Variants in ROBO1 observed in about 807,000 individuals in gnomAD.
ROBO1 encodes the protein roundabout guidance receptor 1, also known as roundabout homolog 1.
In ROBO1, 149 loss-of-function variants were observed where a neutral mutation model predicts 195.9. The observed-to-expected ratio is 0.76, with a 90% confidence interval of 0.67 to 0.87. The LOEUF (loss-of-function observed/expected upper bound fraction) is 0.87. ROBO1 is among the 40% of genes least tolerant of loss of function. ROBO1 has a pLI of 0.00. For synonymous variants in ROBO1, 816 were observed against 733.2 expected (o/e 1.11, Z -1.82); for missense variants, 1,933 against 2,068.3 (o/e 0.93, Z 1.27).
At chr3:78,913,890 C>T (rs920910920) in intron 4 of ROBO1, among the ~76,000 whole-genome samples, 3 of 152,142 alleles carry the variant, frequency 2.0e-5, no homozygotes, top group Non-Finnish European at 2.9e-5. Context: ...TAGAGAGGGT[C>T]GTATTTCCCT....
In ROBO1 at chr3:78,891,707, A is replaced by C. The variant is rs1396889850; in HGVS notation, c.499+46894T>G. ...AATCCAAGTGTCCGTTCGTACAAGA[A>C]TGAATAAACAAATTGTGATATATTC... On this transcript the variant is annotated intron_variant, in intron 4 of 30. Transcript: ENST00000464233. Among the ~76,000 whole-genome samples the C allele has an allele frequency of 3.3e-5, 5 of 152,222 alleles. No individual in the cohort carries two copies. In the East Asian group the frequency reaches 9.6e-4, roughly 29 times the overall value.
At chr3:79,252,355 G>C (rs2082747430) in intron 2 of ROBO1, among the ~76,000 whole-genome samples, 1 of 152,094 alleles carries the variant, frequency 6.6e-6, no homozygotes, top group Non-Finnish European at 1.5e-5. Context: ...GTCCTTCTAA[G>C]AAGGGGAAAA....
chr3:78,896,256 C>G (rs1007021370), intron 4 of ROBO1, among the ~76,000 whole-genome samples: 1 of 152,094 alleles, frequency 6.6e-6, no homozygotes, highest in Admixed American at 6.6e-5. Context: ...GTTTGCTCAG[C>G]TGTAAAATGG....
intron 2 of ROBO1, among the ~76,000 whole-genome samples, chr3:79,485,006 C>A (rs1232404596): frequency 6.6e-6 from 1 of 151,880 alleles, no homozygotes; most frequent in African/African-American, 2.4e-5. Flanking sequence ...CCTGCCTTGG[C>A]CTCCCAAAGT....
rs201394369 is a variant in ROBO1, at chr3:79,108,369, T to TA, written c.172+17086dup. ...CCTATTTAGTCACTTTAAAGATAAA[T>TA]AAAAAAAAACTAATGTCCATTCAAC... On this transcript the variant is annotated intron_variant, in intron 3 of 30. Coordinates refer to ENST00000464233, the MANE Select transcript of ROBO1 (RefSeq NM_002941.4). 2.6e-3 allele frequency among the ~76,000 whole-genome samples: 391 copies of TA among 150,920 alleles called. 4 individuals are homozygous for TA. Among genetic ancestry groups the TA allele is most frequent in the African/African-American group, 8.4e-3 (347 of 41,302 alleles).
Position 78,920,939 on chromosome 3 carries a change from C to A in ROBO1, c.499+17662G>T, listed in dbSNP as rs1008498035. On this transcript the variant is annotated intron_variant, in intron 4 of 30. Coordinates refer to ENST00000464233, the MANE Select transcript of ROBO1 (RefSeq NM_002941.4). ...CAAGCAATCCTCCTGCCTCAGCATC[C>A]CAAAGTGTTGGTTATAACAGGCATG... Among the ~76,000 whole-genome samples, 5 of 152,204 alleles carry A rather than the reference C, an allele frequency of 3.3e-5. No homozygotes were observed. The South Asian group carries it at 1.0e-3, about 32-fold the overall frequency.
chr3:78,747,249 C>T (rs79344083), intron 4 of ROBO1, among the ~76,000 whole-genome samples: 4,861 of 152,108 alleles, frequency 0.032, 243 homozygotes, highest in African/African-American at 0.11. Flanking sequence ...ATAACTGAAT[C>T]CTCCTTTTAT....
chr3:79,504,176 G>C (rs1053783810), intron 2 of ROBO1, among the ~76,000 whole-genome samples: 2 of 151,980 alleles, frequency 1.3e-5, no homozygotes, highest in African/African-American at 4.8e-5. Context: ...GTTAAATCAA[G>C]GGCATTATAT....
At chr3:79,135,740 C>T (rs1312787260) in intron 2 of ROBO1, among the ~76,000 whole-genome samples, 3 of 151,790 alleles carry the variant, frequency 2.0e-5, no homozygotes, top group South Asian at 4.2e-4. Flanking sequence ...TGGGTTCAAG[C>T]GATTCTCCCG....
intron 1 of ROBO1, among the ~76,000 whole-genome samples, chr3:79,739,384 C>A (rs1374507995): frequency 6.6e-6 from 1 of 152,040 alleles, no homozygotes; most frequent in Admixed American, 6.5e-5. Context: ...ACATGATATT[C>A]CTGGAGCTAA....
chr3:78,859,862 C>T (rs544762496), intron 4 of ROBO1, among the ~76,000 whole-genome samples: 7 of 151,556 alleles, frequency 4.6e-5, no homozygotes, highest in Admixed American at 2.6e-4. Context: ...GGGTGGATCA[C>T]GAGGTCAGGA....
chr3:79,730,868 C>T (rs189337431), intron 1 of ROBO1, among the ~76,000 whole-genome samples: 1 of 149,350 alleles, frequency 6.7e-6, no homozygotes, highest in East Asian at 2.0e-4. Context: ...AGCTCCACCT[C>T]CTGGGTTCAC....
At chr3:79,205,191 G>T (rs1347800771) in intron 2 of ROBO1, among the ~76,000 whole-genome samples, 1 of 151,810 alleles carries the variant, frequency 6.6e-6, no homozygotes, top group Non-Finnish European at 1.5e-5. Flanking sequence ...ATGGAGTTTT[G>T]TTATGTTTGC....
chr3:79,607,213 C>T (rs1317854861), intron 1 of ROBO1, among the ~76,000 whole-genome samples: 1 of 150,214 alleles, frequency 6.7e-6, no homozygotes, highest in South Asian at 2.1e-4. Context: ...AAAAGATGTT[C>T]TTTTTATATT....
At chr3:78,651,332 G>T (rs181351715) in intron 19 of ROBO1, among the ~76,000 whole-genome samples, 2 of 152,078 alleles carry the variant, frequency 1.3e-5, no homozygotes, top group Non-Finnish European at 2.9e-5. Context: ...GCTTCACAAA[G>T]GGTAACAATG....
At chr3:78,972,559 G>A (rs2041817353) in intron 3 of ROBO1, among the ~76,000 whole-genome samples, 1 of 152,108 alleles carries the variant, frequency 6.6e-6, no homozygotes, top group South Asian at 2.1e-4. Context: ...TTAGACAGTG[G>A]GTGGCATTCC....
intron 1 of ROBO1, among the ~76,000 whole-genome samples, chr3:79,730,196 C>T (rs1453273255): frequency 6.6e-6 from 1 of 152,156 alleles, no homozygotes; most frequent in African/African-American, 2.4e-5. Flanking sequence ...AAATGCTATA[C>T]TTTTTCCTCT....
chr3:79,752,028 C>A (rs1704149938), intron 1 of ROBO1, among the ~76,000 whole-genome samples: 1 of 152,032 alleles, frequency 6.6e-6, no homozygotes, highest in African/African-American at 2.4e-5. Flanking sequence ...ACAATATGTC[C>A]CTTATAGTAG....
At chr3:79,612,747 T>C (rs1200688186) in intron 1 of ROBO1, among the ~76,000 whole-genome samples, 1 of 145,028 alleles carries the variant, frequency 6.9e-6, no homozygotes, top group African/African-American at 2.5e-5. Context: ...TGGTATCTCA[T>C]TGTGGTTTTG....
Sources: gnomAD v4.1 joint callset for allele counts (sites outside exome capture counted in the v4.1 genomes callset) on GRCh38, gnomAD v4.1.1 for gene constraint, MANE v1.5 for transcripts, NCBI Gene and HGNC (gene_info 2026-07-23, HGNC 2026-07-21) for gene names.